ANGPT1: variants seen among roughly 807,000 people sequenced by gnomAD.
ANGPT1 encodes the protein angiopoietin-1.
ANGPT1 carries 17 observed loss-of-function variants against 62.2 expected under a neutral mutation model. The ratio of observed to expected loss-of-function variants is 0.27; its 90% CI spans 0.19 to 0.41. ANGPT1 has a LOEUF of 0.41. Among genes scored for constraint, ANGPT1 ranks in the 10% least tolerant of loss-of-function variants. The pLI is 1.00. For missense variants in ANGPT1, 478 were observed against 594.9 expected (o/e 0.80, Z 2.04); for synonymous variants, 199 against 198.9 (o/e 1.00, Z 0.00).
At chr8:107,345,671 A>T (rs1815789170) in intron 2 of ANGPT1, among the ~76,000 whole-genome samples, 1 of 152,188 alleles carries the variant, frequency 6.6e-6, no homozygotes, top group South Asian at 2.1e-4. Flanking sequence ...TAAATAATAC[A>T]GTCACATTAT....
At chr8:107,427,922 C>T (rs1018246497) in intron 1 of ANGPT1, among the ~76,000 whole-genome samples, 2 of 152,182 alleles carry the variant, frequency 1.3e-5, no homozygotes, top group African/African-American at 4.8e-5. Flanking sequence ...CTAAGCAAGG[C>T]ATTACAGGAC....
intron 1 of ANGPT1, among the ~76,000 whole-genome samples, chr8:107,356,508 G>A (rs1206816319): frequency 6.6e-6 from 1 of 152,008 alleles, no homozygotes; most frequent in African/African-American, 2.4e-5. Flanking sequence ...AGTCCCAAAG[G>A]AATATAGAAG....
intron 1 of ANGPT1, among the ~76,000 whole-genome samples, chr8:107,382,353 T>C (rs1816655168): frequency 6.6e-6 from 1 of 152,084 alleles, no homozygotes; most frequent in Non-Finnish European, 1.5e-5. Flanking sequence ...TCACATACAA[T>C]AGCAGAGTAT....
In ANGPT1 at chr8:107,257,876, G is replaced by GTTTTTTTTTTTTTTTT. The variant is rs1371396961; in HGVS notation, c.1337-5862_1337-5861insAAAAAAAAAAAAAAAA. On this transcript the variant is annotated intron_variant, in intron 8 of 8. Coordinates refer to ENST00000517746, the MANE Select transcript of ANGPT1 (RefSeq NM_001146.5). The stretch of plus-strand genomic sequence containing the variant: ...CTCTTCAGGCCAAGGACTTGTTTTT[G>GTTTTTTTTTTTTTTTT]TTTCTTTTTTGTTTGTTTGTTTGTT... 1.9e-3 allele frequency among the ~76,000 whole-genome samples: 163 copies of GTTTTTTTTTTTTTTTT among 85,086 alleles called. 16 individuals carry two copies. Among genetic ancestry groups the GTTTTTTTTTTTTTTTT allele is most frequent in the Middle Eastern group, 7.9e-3 (1 of 126 alleles). 55.8% of individuals were successfully genotyped at this position (85,086 alleles called of 152,430 possible). A position where few individuals can be genotyped will look rare whatever the true frequency, so the allele number is the denominator to read the frequency against.
chr8:107,304,917 T>C (rs1814679114), intron 4 of ANGPT1, among the ~76,000 whole-genome samples: 1 of 151,894 alleles, frequency 6.6e-6, no homozygotes, highest in Admixed American at 6.6e-5. Flanking sequence ...TACAGATTCA[T>C]ATGATAGTGA....
intron 1 of ANGPT1, among the ~76,000 whole-genome samples, chr8:107,384,345 G>A (rs1433183): frequency 0.48 from 72,459 of 151,800 alleles, 19,127 homozygotes; most frequent in Non-Finnish European, 0.59. Context: ...ATTTTAAAAA[G>A]GAAAAATAAC....
chr8:107,471,318 A>C (rs989074897), intron 1 of ANGPT1, among the ~76,000 whole-genome samples: 2 of 152,128 alleles, frequency 1.3e-5, no homozygotes, highest in Non-Finnish European at 2.9e-5. Flanking sequence ...AAAACCAAAC[A>C]GTGCATGTTC....
chr8:107,345,316 G>T (rs2130152913), intron 2 of ANGPT1, among the ~76,000 whole-genome samples: 2 of 152,220 alleles, frequency 1.3e-5, no homozygotes, highest in South Asian at 2.1e-4. Flanking sequence ...TTTCAATAAA[G>T]TACACATCTT....
rs1586310368 is a variant in ANGPT1 at position 107,423,903 on chromosome 8, C to T, written c.297+73359G>A. On this transcript the variant is annotated intron_variant, in intron 1 of 8. Transcript: ENST00000517746. Reference sequence around the variant, plus strand: ...TCACCCAGGCTGGAGTGCAGTGGCACAATGTTGGCTCACTGAAATCTTTGC... The same window carrying T: ...TCACCCAGGCTGGAGTGCAGTGGCATAATGTTGGCTCACTGAAATCTTTGC... Among the ~76,000 whole-genome samples the T allele has an allele frequency of 2.5e-5, 3 of 121,498 alleles. No individual in the cohort carries two copies. In the Admixed American group the frequency reaches 3.2e-4, roughly 13 times the overall value. 79.7% of individuals were successfully genotyped at this position (121,498 alleles called of 152,430 possible).
At chr8:107,346,331 C>CAAAATGATAGTCATCA (rs1815803065) in intron 2 of ANGPT1, among the ~76,000 whole-genome samples, 6 of 152,052 alleles carry the variant, frequency 3.9e-5, no homozygotes, top group Admixed American at 2.6e-4. Context: ...TGACAGTCAT[C>CAAAATGATAGTCATCA]AAAATGATAG....
chr8:107,353,908 T>A (rs549715669), intron 1 of ANGPT1, among the ~76,000 whole-genome samples: 1 of 152,100 alleles, frequency 6.6e-6, no homozygotes, highest in African/African-American at 2.4e-5. Flanking sequence ...TCTCAGATAC[T>A]GATACTAATA....
chr8:107,427,538 C>T (rs534087981), intron 1 of ANGPT1, among the ~76,000 whole-genome samples: 48 of 152,180 alleles, frequency 3.2e-4, no homozygotes, highest in Non-Finnish European at 5.9e-4. Flanking sequence ...CACACATGGG[C>T]TTGTCTTTCA....
intron 4 of ANGPT1, 113 bp downstream of exon 4, chr8:107,321,783 C>A (rs1815155030): frequency 3.8e-6 from 3 of 790,484 alleles, no homozygotes; most frequent in Non-Finnish European, 5.9e-6. Context: ...CCATAAAGTT[C>A]TTCTGCTATT....
chr8:107,285,629 G>C (rs1331785751), intron 6 of ANGPT1, among the ~76,000 whole-genome samples: 1 of 152,036 alleles, frequency 6.6e-6, no homozygotes, highest in Non-Finnish European at 1.5e-5. Flanking sequence ...AGGTTGTTAA[G>C]TATTCAAAAT....
chr8:107,408,973 AT>A (rs1271513821), intron 1 of ANGPT1, among the ~76,000 whole-genome samples: 1 of 152,208 alleles, frequency 6.6e-6, no homozygotes, highest in Non-Finnish European at 1.5e-5. Flanking sequence ...TTATGCCTTC[AT>A]TTGCTCATTC....
intron 1 of ANGPT1, among the ~76,000 whole-genome samples, chr8:107,355,607 T>C (rs1816027010): frequency 7.3e-6 from 1 of 136,798 alleles, no homozygotes; most frequent in Non-Finnish European, 1.6e-5. Context: ...AAGCAAACAC[T>C]CTTTTTGACT....
intron 2 of ANGPT1, among the ~76,000 whole-genome samples, chr8:107,339,231 A>G (rs531146160): frequency 3.7e-4 from 57 of 152,282 alleles, no homozygotes; most frequent in Non-Finnish European, 1.5e-4. Flanking sequence ...GATCTTTTTG[A>G]ACACATAAAT....
chr8:107,385,150 T>A (rs1171760265), intron 1 of ANGPT1, among the ~76,000 whole-genome samples: 3 of 152,116 alleles, frequency 2.0e-5, no homozygotes, highest in African/African-American at 7.2e-5. Flanking sequence ...TGTTTGTTTG[T>A]TTTCCAGTTC....
At position 107,342,430 on chromosome 8, in the gene ANGPT1, T is replaced by A. The variant is rs554307378; in HGVS notation, c.453+4512A>T. ...CTAGTGCAGGAGTTGGTCAGATTTT[T>A]CTGTAAAGGCCCAGACAGTAAACAT... On this transcript the variant is annotated intron_variant, in intron 2 of 8. Transcript: ENST00000517746. 1.3e-4 allele frequency among the ~76,000 whole-genome samples: 20 copies of A among 152,318 alleles called. No homozygotes were observed. In the South Asian group the frequency reaches 1.9e-3, roughly 14 times the overall value.
Sources: allele counts gnomAD v4.1 joint callset (sites outside exome capture counted in the v4.1 genomes callset), GRCh38; gene constraint gnomAD v4.1.1; transcripts MANE v1.5; gene names NCBI Gene and HGNC (gene_info 2026-07-23, HGNC 2026-07-21).